PABIR2: variants seen among roughly 807,000 people sequenced by gnomAD.
PABIR2 encodes PABIR family member 2.
A neutral mutation model predicts 22.8 loss-of-function variants in PABIR2; 7 were observed. That is an observed-to-expected ratio of 0.31 (90% CI 0.17 to 0.58). PABIR2 has a LOEUF of 0.58. Among genes scored for constraint, PABIR2 ranks in the 20% least tolerant of loss-of-function variants. PABIR2 has a pLI of 0.89. For missense variants in PABIR2, 155 were observed against 205.1 expected, an observed-to-expected ratio of 0.76 and a Z score of 1.49; for synonymous variants, 67 against 73.8, an observed-to-expected ratio of 0.91 and a Z score of 0.47.
intron 7 of PABIR2, among the ~76,000 whole-genome samples, chrX:134,786,676 G>A (rs1475118455): frequency 9.0e-6 from 1 of 111,673 alleles, no homozygotes; most frequent in Non-Finnish European, 1.9e-5. Flanking sequence ...AAAACTCTGG[G>A]GCTGGGCGCT....
chrX:134,794,927 G>A (rs1457451423), intron 1 of PABIR2, among the ~76,000 whole-genome samples: 2 of 112,001 alleles, frequency 1.8e-5, no homozygotes, highest in Non-Finnish European at 3.8e-5. Context: ...ATCATGCTGT[G>A]TTTTCAGTGA....
intron 7 of PABIR2, 45 bp from the exon 8 acceptor site, chrX:134,785,995 T>G (rs1197185040): frequency 4.8e-5 from 55 of 1,136,499 alleles, no homozygotes; most frequent in African/African-American, 7.2e-5. Flanking sequence ...ACATCCACGA[T>G]GCAAGATAAA....
In PABIR2 at chrX:134,788,810, G is replaced by T; in HGVS notation, c.355C>A (p.Pro119Thr). ...LSLSDSDFDK[P>T]EKLYSPKRID... The stretch of plus-strand genomic sequence containing the variant: ...CTCTTAGGAGAATATAATTTCTCCG[G>T]CTTGTCAAAATCACTGTCACTCTGT... The change falls in exon 6 of 10, where the codon CCG (proline) becomes ACG (threonine). Residue 119 changes from proline (P) to threonine (T), a missense_variant. Pro to Thr is a conservative substitution (Grantham distance 38, BLOSUM62 -1). Coordinates refer to ENST00000343004, the MANE Select transcript of PABIR2 (RefSeq NM_001387468.1). The T allele has an allele frequency of 8.3e-7, 1 of 1,207,849 alleles. No homozygotes were observed. The highest frequency in any genetic ancestry group is 1.1e-6 in the Non-Finnish European group (1 of 893,348).
intron 1 of PABIR2, among the ~76,000 whole-genome samples, chrX:134,795,757 A>C (rs1343299101): frequency 8.9e-6 from 1 of 112,320 alleles, no homozygotes; most frequent in Non-Finnish European, 1.9e-5. Flanking sequence ...TCTGAGAGAC[A>C]GGTGTCAAGT....
At chrX:134,786,091 C>A in intron 7 of PABIR2, 141 bp from the exon 8 acceptor site, 2 of 537,279 alleles carry the variant, frequency 3.7e-6, no homozygotes, top group Non-Finnish European at 6.2e-6. Flanking sequence ...AATTGAGTAA[C>A]TGAAATCCAA....
chrX:134,775,627 G>C (rs1403427311), intron 9 of PABIR2, among the ~76,000 whole-genome samples: 1 of 109,638 alleles, frequency 9.1e-6, no homozygotes, highest in African/African-American at 3.3e-5. Context: ...CAATGATAAA[G>C]TAATAACAAA....
At chrX:134,793,642 A>G in intron 2 of PABIR2, 173 bp downstream of exon 2, 1 of 600,004 alleles carries the variant, frequency 1.7e-6, no homozygotes, top group Non-Finnish European at 2.7e-6. Flanking sequence ...TTAACCATGT[A>G]TCCTTTTGGT....
chrX:134,793,386 A>AAT (rs1186807391), intron 2 of PABIR2, among the ~76,000 whole-genome samples: 1 of 112,624 alleles, frequency 8.9e-6, no homozygotes, highest in Non-Finnish European at 1.9e-5. Flanking sequence ...CTCTTCAGAG[A>AAT]ATATAAATAC....
chrX:134,777,720 C>T (rs2079023669), intron 9 of PABIR2, among the ~76,000 whole-genome samples: 1 of 109,160 alleles, frequency 9.2e-6, no homozygotes, highest in Non-Finnish European at 1.9e-5. Flanking sequence ...CCTGTAATCC[C>T]AGCTGCTCTC....
At chrX:134,793,655 C>T in intron 2 of PABIR2, 160 bp downstream of exon 2, 2 of 678,714 alleles carry the variant, frequency 2.9e-6, no homozygotes, top group Non-Finnish European at 2.3e-6. Context: ...CTTTTGGTAC[C>T]AAAAGCTGAA....
rs183274913 is a variant in PABIR2, at chrX:134,789,869, C to A, written c.178-233G>T. Among the ~76,000 whole-genome samples the A allele has an allele frequency of 4.6e-3, 510 of 111,983 alleles. 1 individual carries two copies. The highest frequency in any genetic ancestry group is 0.014 in the African/African-American group (438 of 30,851). ...TGCTAGACAGACACTGACTTCAGCACTTTTCCCAAATGAATGTGAAGCTAC... is the reference window on the plus strand; with the variant it reads ...TGCTAGACAGACACTGACTTCAGCAATTTTCCCAAATGAATGTGAAGCTAC... On this transcript the variant is annotated intron_variant, in intron 2 of 9. Transcript: ENST00000343004.
chrX:134,780,843 G>C (rs1406235045), intron 9 of PABIR2, among the ~76,000 whole-genome samples: 2 of 112,199 alleles, frequency 1.8e-5, no homozygotes, highest in Non-Finnish European at 3.8e-5. Flanking sequence ...CCTAAACTAG[G>C]ATGAGTAAGA....
At chrX:134,784,475 C>A (rs1019657595) in intron 8 of PABIR2, among the ~76,000 whole-genome samples, 36 of 105,700 alleles carry the variant, frequency 3.4e-4, no homozygotes, top group African/African-American at 1.2e-3. Flanking sequence ...TCAAAAAAAA[C>A]AAACAAAAAC....
chrX:134,771,567 T>A lies in PABIR2; in HGVS notation c.*572A>T. ...GTAATGAAAGCAACTACGTATTTCT[T>A]CCCCTCTGTGAGAAATGGCATAAGC... On this transcript the variant is annotated 3_prime_UTR_variant, in exon 10 of 10. Coordinates refer to ENST00000343004, the MANE Select transcript of PABIR2 (RefSeq NM_001387468.1). 2 of 935,837 alleles carry A rather than the reference T, an allele frequency of 2.1e-6. No individual in the cohort carries two copies. The highest frequency in any genetic ancestry group is 1.0e-4 in the South Asian group (2 of 19,217). 77.1% of individuals were successfully genotyped at this position (935,837 alleles called of 1,213,427 possible). A position where few individuals can be genotyped will look rare whatever the true frequency, so the allele number is the denominator to read the frequency against.
chrX:134,790,675 G>A (rs186926221), intron 2 of PABIR2, among the ~76,000 whole-genome samples: 7 of 112,181 alleles, frequency 6.2e-5, no homozygotes. Flanking sequence ...GAGTAGCTGG[G>A]ACTACAGGCA....
chrX:134,772,315 A>G (rs1404223101), intron 9 of PABIR2, 32 bp from the exon 10 acceptor site: 1 of 1,157,529 alleles, frequency 8.6e-7, no homozygotes, highest in Non-Finnish European at 1.2e-6. Flanking sequence ...TTATAAGCAA[A>G]TGCAACTATC....
At chrX:134,787,771 A>G (rs1397998876) in intron 6 of PABIR2, among the ~76,000 whole-genome samples, 2 of 104,023 alleles carry the variant, frequency 1.9e-5, no homozygotes, top group Non-Finnish European at 3.9e-5. Context: ...GTGCGCCACC[A>G]TGCCCGACTA....
intron 2 of PABIR2, chrX:134,791,623 A>G (rs1357440005): frequency 6.0e-6 from 2 of 330,962 alleles, no homozygotes; most frequent in African/African-American, 5.2e-5. Context: ...GAGAGTCAAA[A>G]GCATATGAAC....
intron 1 of PABIR2, among the ~76,000 whole-genome samples, chrX:134,794,258 T>A (rs1432251324): frequency 1.8e-5 from 2 of 111,558 alleles, no homozygotes; most frequent in East Asian, 5.6e-4. Flanking sequence ...CAATGAGTAC[T>A]GTTTTCTGTG....
Sources: gnomAD v4.1 joint callset for allele counts (sites outside exome capture counted in the v4.1 genomes callset) on GRCh38, gnomAD v4.1.1 for gene constraint, MANE v1.5 for transcripts, NCBI Gene and HGNC (gene_info 2026-07-23, HGNC 2026-07-21) for gene names.